Variants in PPP1R9A observed in about 807,000 individuals in gnomAD.
PPP1R9A encodes the protein protein phosphatase 1 regulatory subunit 9A.
In PPP1R9A, 59 loss-of-function variants were observed where a neutral mutation model predicts 141.9. The ratio of observed to expected loss-of-function variants is 0.42; its 90% CI spans 0.34 to 0.52. The LOEUF (loss-of-function observed/expected upper bound fraction) is 0.52. Among genes scored for constraint, PPP1R9A ranks in the 20% least tolerant of loss-of-function variants. PPP1R9A has a pLI of 0.10. For missense variants in PPP1R9A, 1,444 were observed against 1,611.9 expected (o/e 0.90, Z 1.78); for synonymous variants, 500 against 569.7 (o/e 0.88, Z 1.74).
At chr7:95,256,905 AC>A (rs1175785863) in intron 12 of PPP1R9A, among the ~76,000 whole-genome samples, 1 of 152,152 alleles carries the variant, frequency 6.6e-6, no homozygotes, top group Non-Finnish European at 1.5e-5. Context: ...AGATCTCAAG[AC>A]CCATGGAAAG....
intron 2 of PPP1R9A, among the ~76,000 whole-genome samples, chr7:95,014,283 A>T (rs915636551): frequency 6.6e-6 from 1 of 151,972 alleles, no homozygotes; most frequent in Non-Finnish European, 1.5e-5. Context: ...TGTCTCCCTT[A>T]ATTTGGAAGA....
chr7:95,286,093 A>ACCAAAG, intron 17 of PPP1R9A, 113 bp from the exon 18 acceptor site: 1 of 1,472,960 alleles, frequency 6.8e-7, no homozygotes, highest in East Asian at 2.4e-5. Flanking sequence ...ACCAAATCAT[A>ACCAAAG]CATGAATTTC....
At chr7:95,227,930 CCT>C (rs1191245500) in intron 8 of PPP1R9A, among the ~76,000 whole-genome samples, 7 of 152,174 alleles carry the variant, frequency 4.6e-5, no homozygotes, top group African/African-American at 1.7e-4. Flanking sequence ...GAATATTGCC[CCT>C]GTGTATCACC....
intron 8 of PPP1R9A, 27 bp from the exon 9 acceptor site, chr7:95,247,446 G>T (rs562068103): frequency 1.3e-6 from 2 of 1,574,300 alleles, no homozygotes; most frequent in East Asian, 2.3e-5. Flanking sequence ...TCTTAGTTCA[G>T]ATTTTTTCTT....
At chr7:94,997,577 C>T (rs1388268556) in intron 2 of PPP1R9A, among the ~76,000 whole-genome samples, 1 of 152,162 alleles carries the variant, frequency 6.6e-6, no homozygotes, top group Non-Finnish European at 1.5e-5. Context: ...CTATTCATGT[C>T]TGTCAGAACT....
chr7:95,243,120 CTT>C (rs1797681932), intron 8 of PPP1R9A, among the ~76,000 whole-genome samples: 2 of 152,166 alleles, frequency 1.3e-5, no homozygotes, highest in Non-Finnish European at 2.9e-5. Context: ...ATGGAGATAA[CTT>C]GGGTCCATCT....
At chr7:95,072,259 A>G (rs1813920891) in intron 2 of PPP1R9A, among the ~76,000 whole-genome samples, 1 of 145,244 alleles carries the variant, frequency 6.9e-6, no homozygotes, top group South Asian at 2.1e-4. Context: ...AATATATAAT[A>G]TTATATAATA....
At chr7:94,929,416 G>A (rs1377502195) in intron 2 of PPP1R9A, among the ~76,000 whole-genome samples, 2 of 152,124 alleles carry the variant, frequency 1.3e-5, no homozygotes, top group African/African-American at 2.4e-5. Context: ...TCTGAGTTTC[G>A]AAGGTTTAAT....
chr7:95,053,134 A>G (rs1184636085), intron 2 of PPP1R9A, among the ~76,000 whole-genome samples: 4 of 152,196 alleles, frequency 2.6e-5, no homozygotes, highest in African/African-American at 9.7e-5. Flanking sequence ...ATCCTCACTC[A>G]GGGGAAGTTT....
At chr7:95,155,748 G>C (rs966655254) in intron 4 of PPP1R9A, 1 of 152,152 alleles carries the variant, frequency 6.6e-6, no homozygotes, top group African/African-American at 2.4e-5. Flanking sequence ...TATAAATACA[G>C]TTCAAAGTGC....
intron 2 of PPP1R9A, among the ~76,000 whole-genome samples, chr7:95,031,538 C>T (rs560110348): frequency 1.5e-4 from 23 of 152,096 alleles, no homozygotes; most frequent in African/African-American, 5.3e-4. Flanking sequence ...GTGGGATCAC[C>T]TTAGGTCAGG....
chr7:95,232,555 C>A (rs1269918063), intron 8 of PPP1R9A, among the ~76,000 whole-genome samples: 3 of 152,018 alleles, frequency 2.0e-5, no homozygotes, highest in Non-Finnish European at 4.4e-5. Flanking sequence ...TTCTGCATAG[C>A]AAAAGAAACT....
chr7:94,976,100 A>G (rs779677088), intron 2 of PPP1R9A, among the ~76,000 whole-genome samples: 1 of 152,292 alleles, frequency 6.6e-6, no homozygotes, highest in East Asian at 1.9e-4. Flanking sequence ...AGAGTTAATC[A>G]CTTTCTGTCT....
chr7:95,179,735 G>T (rs1348264782), intron 5 of PPP1R9A, among the ~76,000 whole-genome samples: 1 of 140,308 alleles, frequency 7.1e-6, no homozygotes, highest in African/African-American at 2.7e-5. Flanking sequence ...TAGCAACAAA[G>T]TGGAGTATCA....
At chr7:95,100,701 A>G (rs1031574967) in intron 2 of PPP1R9A, among the ~76,000 whole-genome samples, 22 of 152,302 alleles carry the variant, frequency 1.4e-4, no homozygotes, top group African/African-American at 5.3e-4. Flanking sequence ...AAGAAGATCT[A>G]TGACCACCTT....
intron 5 of PPP1R9A, among the ~76,000 whole-genome samples, chr7:95,174,404 G>A (rs1832600639): frequency 6.6e-6 from 1 of 152,066 alleles, no homozygotes; most frequent in Admixed American, 6.6e-5. Context: ...CATTTCTGAG[G>A]TGATGAAAAT....
In PPP1R9A at chr7:95,291,951, GA is replaced by G. The variant is rs1178287674; in HGVS notation, c.*1651del. 6.6e-6 allele frequency: 1 copy of G among 152,062 alleles called. No homozygotes were observed. Among genetic ancestry groups the G allele is most frequent in the Non-Finnish European group, 1.5e-5 (1 of 68,008 alleles). The allele number at this position is 152,062 out of a possible 1,614,324, so 9.4% of individuals were successfully genotyped here. ...TTTTTTATCTGAAAATCTGAATTCA[GA>G]AATTATCTAAACTGGACATTTTTAA... On this transcript the variant is annotated 3_prime_UTR_variant, in exon 20 of 20. Coordinates refer to ENST00000433360, the MANE Select transcript of PPP1R9A (RefSeq NM_001166160.2).
At chr7:95,269,001 A>G (rs1440769873) in intron 13 of PPP1R9A, among the ~76,000 whole-genome samples, 1 of 152,158 alleles carries the variant, frequency 6.6e-6, no homozygotes, top group Non-Finnish European at 1.5e-5. Flanking sequence ...CGTACAAGTA[A>G]TTGTTTCTGT....
At chr7:94,922,673 C>G (rs905297970) in intron 2 of PPP1R9A, among the ~76,000 whole-genome samples, 6 of 152,040 alleles carry the variant, frequency 3.9e-5, no homozygotes, top group African/African-American at 1.4e-4. Context: ...CATATTTTTA[C>G]TTTAAAAATA....
Sources: allele counts gnomAD v4.1 joint callset (sites outside exome capture counted in the v4.1 genomes callset), GRCh38; gene constraint gnomAD v4.1.1; transcripts MANE v1.5; gene names NCBI Gene and HGNC (gene_info 2026-07-23, HGNC 2026-07-21).